KCNB2: variants seen among roughly 807,000 people sequenced by gnomAD.
KCNB2 encodes potassium voltage-gated channel subfamily B member 2.
A neutral mutation model predicts 61.5 loss-of-function variants in KCNB2; 15 were observed. The observed-to-expected ratio is 0.24, with a 90% CI of 0.16 to 0.38. KCNB2 has a LOEUF of 0.38. Ranked by LOEUF, KCNB2 falls within the 10% of genes least tolerant of loss-of-function variation. The pLI is 1.00. For synonymous variants in KCNB2, 457 were observed against 446.0 expected (o/e 1.02, Z -0.31); for missense variants, 828 against 1,125.2 (o/e 0.74, Z 3.78).
intron 2 of KCNB2, among the ~76,000 whole-genome samples, chr8:72,850,153 C>T (rs983148296): frequency 6.6e-6 from 1 of 151,628 alleles, no homozygotes; most frequent in African/African-American, 2.4e-5. Flanking sequence ...TAGGATTGCT[C>T]TTGCCATTTA....
At chr8:72,768,205 C>T (rs1808492315) in intron 2 of KCNB2, among the ~76,000 whole-genome samples, 1 of 152,090 alleles carries the variant, frequency 6.6e-6, no homozygotes, top group African/African-American at 2.4e-5. Flanking sequence ...GTGACTGAGT[C>T]TCACCCTGTT....
At chr8:72,748,158 C>G (rs1367833919) in intron 2 of KCNB2, among the ~76,000 whole-genome samples, 1 of 152,190 alleles carries the variant, frequency 6.6e-6, no homozygotes, top group African/African-American at 2.4e-5. Context: ...CATGGATTAT[C>G]TTAATTTAAC....
chr8:72,781,185 A>G (rs952584587), intron 2 of KCNB2, among the ~76,000 whole-genome samples: 16 of 152,196 alleles, frequency 1.1e-4, no homozygotes, highest in African/African-American at 3.9e-4. Context: ...CTCTGATGAT[A>G]GTTTCTTTTG....
intron 2 of KCNB2, among the ~76,000 whole-genome samples, chr8:72,882,147 G>A (rs975584557): frequency 1.3e-5 from 2 of 152,086 alleles, no homozygotes; most frequent in African/African-American, 2.4e-5. Flanking sequence ...ACCTGTGCCC[G>A]ACAAAGCACT....
intron 2 of KCNB2, among the ~76,000 whole-genome samples, chr8:72,791,472 C>T (rs993464674): frequency 6.6e-6 from 1 of 152,032 alleles, no homozygotes; most frequent in Non-Finnish European, 1.5e-5. Context: ...TTGTTTGAGC[C>T]TAATAGATCA....
At chr8:72,859,439 T>C (rs1369101571) in intron 2 of KCNB2, among the ~76,000 whole-genome samples, 1 of 152,148 alleles carries the variant, frequency 6.6e-6, no homozygotes, top group Non-Finnish European at 1.5e-5. Flanking sequence ...GAGGCCTGCA[T>C]TCATCACCAC....
At chr8:72,619,202 C>T (rs747605573) in intron 2 of KCNB2, 3 of 523,418 alleles carry the variant, frequency 5.7e-6, no homozygotes. Flanking sequence ...GAATTATTCA[C>T]TGCAGGGATA....
At chr8:72,748,155 T>C (rs559472123) in intron 2 of KCNB2, among the ~76,000 whole-genome samples, 1 of 152,352 alleles carries the variant, frequency 6.6e-6, no homozygotes, top group East Asian at 1.9e-4. Context: ...GGACATGGAT[T>C]ATCTTAATTT....
intron 2 of KCNB2, among the ~76,000 whole-genome samples, chr8:72,844,100 C>T (rs552631945): frequency 3.2e-4 from 49 of 152,238 alleles, no homozygotes; most frequent in Non-Finnish European, 5.4e-4. Context: ...ACGTTTAGTG[C>T]TTCCTTCAGG....
At chr8:72,908,719 A>G (rs1236699458) in intron 2 of KCNB2, among the ~76,000 whole-genome samples, 2 of 152,236 alleles carry the variant, frequency 1.3e-5, no homozygotes, top group African/African-American at 4.8e-5. Context: ...GCAGAGCAGC[A>G]GGAGCGCAGG....
At chr8:72,643,415 C>G (rs977950766) in intron 2 of KCNB2, among the ~76,000 whole-genome samples, 3 of 152,110 alleles carry the variant, frequency 2.0e-5, no homozygotes, top group Admixed American at 1.3e-4. Flanking sequence ...GCATCAACTC[C>G]TAATCTAGAC....
chr8:72,723,817 G>T (rs1807589077), intron 2 of KCNB2, among the ~76,000 whole-genome samples: 1 of 152,208 alleles, frequency 6.6e-6, no homozygotes, highest in Non-Finnish European at 1.5e-5. Context: ...AGGACATTCA[G>T]TTATGGAAAC....
intron 1 of KCNB2, among the ~76,000 whole-genome samples, chr8:72,558,465 G>C (rs1806461460): frequency 6.6e-6 from 1 of 152,190 alleles, no homozygotes; most frequent in Non-Finnish European, 1.5e-5. Flanking sequence ...ACTTATCCTT[G>C]ATCTTGAATA....
intron 1 of KCNB2, among the ~76,000 whole-genome samples, chr8:72,551,031 A>G (rs1297102060): frequency 1.3e-5 from 2 of 152,128 alleles, no homozygotes; most frequent in African/African-American, 2.4e-5. Flanking sequence ...CAGTTAAGAC[A>G]TCTCCATTCT....
Position 72,719,443 on chromosome 8 carries a change from C to T in KCNB2, c.579+151130C>T, listed in dbSNP as rs545826213. Among the ~76,000 whole-genome samples, 13 of 152,238 alleles carry T rather than the reference C, an allele frequency of 8.5e-5. No homozygotes were observed. In the South Asian group the frequency reaches 2.5e-3, roughly 29 times the overall value. On this transcript the variant is annotated intron_variant, in intron 2 of 2. Coordinates refer to ENST00000523207, the MANE Select transcript of KCNB2 (RefSeq NM_004770.3). ...GAGAATAGTGACATTCCTTTCATCT[C>T]AGATCTTTCCTGCTGAAAATATCCT...
chr8:72,928,328 G>A (rs189265716), intron 2 of KCNB2, among the ~76,000 whole-genome samples: 98 of 151,820 alleles, frequency 6.5e-4, no homozygotes, highest in Middle Eastern at 3.4e-3. Context: ...AAGTAGCTGC[G>A]ACTACAGGCA....
chr8:72,761,416 G>T (rs574687049), intron 2 of KCNB2, among the ~76,000 whole-genome samples: 3 of 152,290 alleles, frequency 2.0e-5, no homozygotes, highest in African/African-American at 7.2e-5. Flanking sequence ...TTCCAACAAT[G>T]CCTAAGGAGA....
intron 2 of KCNB2, among the ~76,000 whole-genome samples, chr8:72,868,624 CA>C (rs1805570202): frequency 6.6e-6 from 1 of 151,654 alleles, no homozygotes; most frequent in Non-Finnish European, 1.5e-5. Context: ...AAAAAAAACC[CA>C]AAAAAGGACC....
intron 2 of KCNB2, among the ~76,000 whole-genome samples, chr8:72,926,569 T>C (rs1806653885): frequency 1.3e-5 from 2 of 152,146 alleles, no homozygotes; most frequent in Non-Finnish European, 2.9e-5. Flanking sequence ...CCAGCACCCA[T>C]TAGCTTTTCT....
Sources: allele counts gnomAD v4.1 joint callset (sites outside exome capture counted in the v4.1 genomes callset), GRCh38; gene constraint gnomAD v4.1.1; transcripts MANE v1.5; gene names NCBI Gene and HGNC (gene_info 2026-07-23, HGNC 2026-07-21).